Variants in TRIM38 observed in about 807,000 individuals in gnomAD.
TRIM38 encodes the protein tripartite motif containing 38, also known as E3 ubiquitin-protein ligase TRIM38.
TRIM38 carries 35 observed loss-of-function variants against 35.8 expected under a neutral mutation model. That is an observed-to-expected ratio of 0.98 (90% confidence interval 0.75 to 1.30). TRIM38 has a LOEUF of 1.30. Ranked by LOEUF, TRIM38 falls within the 50% of genes most tolerant of loss-of-function variation. The pLI is 0.00. For synonymous variants in TRIM38, 198 were observed against 204.7 expected, an observed-to-expected ratio of 0.97 and a Z score of 0.28; for missense variants, 545 against 556.9, an observed-to-expected ratio of 0.98 and a Z score of 0.21.
At position 25,983,395 on chromosome 6, in the gene TRIM38, A is replaced by G. The variant is rs775442895; in HGVS notation, c.1106A>G (p.Gln369Arg). The G allele has an allele frequency of 1.4e-5, 23 of 1,614,016 alleles. No individual in the cohort carries two copies. The highest frequency in any genetic ancestry group is 1.9e-5 in the Non-Finnish European group (22 of 1,180,028). The change falls in exon 8 of 8, where the codon CAG becomes CGG. Residue 369 changes from glutamine (Q) to arginine (R), a missense_variant. Transcript: ENST00000357085. Reference protein sequence around the residue: ...WDLGVCMENVQRGTGMKQEPQ... With the variant: ...WDLGVCMENVRRGTGMKQEPQ... ...TTAGGAGTTTGTATGGAAAATGTGCAGAGGGGCACTGGCATGAAGCAAGAG... is the reference window on the plus strand; with the variant it reads ...TTAGGAGTTTGTATGGAAAATGTGCGGAGGGGCACTGGCATGAAGCAAGAG...
intron 4 of TRIM38, among the ~76,000 whole-genome samples, 153 bp from the exon 5 acceptor site, chr6:25,971,716 A>G (rs903354689): frequency 6.6e-6 from 1 of 152,174 alleles, no homozygotes; most frequent in Non-Finnish European, 1.5e-5. Flanking sequence ...GTCTTACAAT[A>G]TTTGCCCTTT....
At position 25,989,510 on chromosome 6, in the gene TRIM38, CTTTTTTTTTTT is replaced by C. The variant is rs59539108; in HGVS notation, c.*5837_*5847del. 2.1e-5 allele frequency: 2 copies of C among 93,738 alleles called. No homozygotes were observed. Among genetic ancestry groups the C allele is most frequent in the East Asian group, 2.6e-4 (1 of 3,828 alleles). 5.8% of individuals were successfully genotyped at this position (93,738 alleles called of 1,614,324 possible). ...GCTATTGTTAGCAAGGTCTTGTATT[CTTTTTTTTTTT>C]TTTTTTTTTTTTTAATAGAGACGGG... is the stretch of plus-strand genomic sequence containing the variant. On this transcript the variant is annotated 3_prime_UTR_variant, in exon 8 of 8. Coordinates refer to ENST00000357085, the MANE Select transcript of TRIM38 (RefSeq NM_006355.5).
At chr6:25,975,507 A>G in intron 7 of TRIM38, 1 of 714,678 alleles carries the variant, frequency 1.4e-6, no homozygotes, top group African/African-American at 1.9e-5. Context: ...CAGCTTTATT[A>G]CAAAAGTGAT....
intron 3 of TRIM38, among the ~76,000 whole-genome samples, chr6:25,967,839 T>C (rs1453082143): frequency 6.6e-6 from 1 of 152,048 alleles, no homozygotes; most frequent in Admixed American, 6.6e-5. Context: ...TACTGTGGCA[T>C]GTCTATGATA....
chr6:25,977,069 C>T (rs956996690), intron 7 of TRIM38, among the ~76,000 whole-genome samples: 15 of 152,240 alleles, frequency 9.9e-5, no homozygotes, highest in African/African-American at 3.6e-4. Flanking sequence ...CTTATTATAG[C>T]TGATATCTTC....
At chr6:25,969,832 G>A (rs1760173525) in intron 4 of TRIM38, among the ~76,000 whole-genome samples, 1 of 152,146 alleles carries the variant, frequency 6.6e-6, no homozygotes, top group Non-Finnish European at 1.5e-5. Context: ...ACCAAGCTTT[G>A]TGAACACTTA....
Position 25,966,645 on chromosome 6 carries a change from AG to A in TRIM38, c.124del (p.Asp42ThrfsTer11). On this transcript the variant is annotated frameshift_variant, in exon 3 of 8. Transcript: ENST00000357085. LOFTEE classifies it high-confidence loss of function. Reference sequence around the variant, plus strand: ...ACAGCTACTGCCACTTGTGTATAACAGACTTCTTTAAAAACCCAAGCCAAAA... The same window carrying A: ...ACAGCTACTGCCACTTGTGTATAACAACTTCTTTAAAAACCCAAGCCAAAA... ...GHSYCHLCIT[D>X]FFKNPSQKQL... 1 of 1,614,192 alleles carries A rather than the reference AG, an allele frequency of 6.2e-7. No individual in the cohort carries two copies. Among genetic ancestry groups the A allele is most frequent in the South Asian group, 1.1e-5 (1 of 91,078 alleles).
At chr6:25,964,802 G>A (rs1759966025) in intron 2 of TRIM38, among the ~76,000 whole-genome samples, 1 of 141,088 alleles carries the variant, frequency 7.1e-6, no homozygotes, top group South Asian at 2.2e-4. Flanking sequence ...GAGTAATTCT[G>A]GTACCAATTA....
intron 7 of TRIM38, 104 bp from the exon 8 acceptor site, chr6:25,983,060 G>A: frequency 1.7e-6 from 2 of 1,192,832 alleles, no homozygotes; most frequent in Non-Finnish European, 2.3e-6. Flanking sequence ...GTGCACTCCA[G>A]CCTGGGTGAC....
chr6:25,989,159 C>A lies in TRIM38; in HGVS notation c.*5472C>A, dbSNP rs1259984838. 1 of 152,200 alleles carries A rather than the reference C, an allele frequency of 6.6e-6. No individual in the cohort carries two copies. The highest frequency in any genetic ancestry group is 2.4e-5 in the African/African-American group (1 of 41,460). 9.4% of individuals were successfully genotyped at this position (152,200 alleles called of 1,614,324 possible). On this transcript the variant is annotated 3_prime_UTR_variant, in exon 8 of 8. Coordinates refer to ENST00000357085, the MANE Select transcript of TRIM38 (RefSeq NM_006355.5). ...AGTTCCCTAATGACATGATGTCAAG[C>A]ATCTTTTCATATGCATACTTGCATC...
rs1372899638 is a variant in TRIM38 at position 25,984,311 on chromosome 6, T to G, written c.*624T>G. On this transcript the variant is annotated 3_prime_UTR_variant, in exon 8 of 8. Coordinates refer to ENST00000357085, the MANE Select transcript of TRIM38 (RefSeq NM_006355.5). ...AGTAAAATTGAACTTTGATGGGGGA[T>G]TCAGTTCTGGAAAAGAATTTGGTAT... 1 of 152,338 alleles carries G rather than the reference T, an allele frequency of 6.6e-6. No individual in the cohort carries two copies. Among genetic ancestry groups the G allele is most frequent in the Non-Finnish European group, 1.5e-5 (1 of 68,044 alleles). The allele number at this position is 152,338 out of a possible 1,614,324, so 9.4% of individuals were successfully genotyped here.
At chr6:25,983,070 C>A in intron 7 of TRIM38, 94 bp from the exon 8 acceptor site, 1 of 1,289,836 alleles carries the variant, frequency 7.8e-7, no homozygotes, top group Non-Finnish European at 1.0e-6. Flanking sequence ...GCCTGGGTGA[C>A]AGCAACACTC....
chr6:25,964,521 G>C (rs1252823052), intron 2 of TRIM38, among the ~76,000 whole-genome samples: 1 of 152,130 alleles, frequency 6.6e-6, no homozygotes, highest in Non-Finnish European at 1.5e-5. Context: ...TGTCTGATTA[G>C]GTCTGGTTAC....
intron 7 of TRIM38, among the ~76,000 whole-genome samples, chr6:25,976,153 G>C (rs1760386600): frequency 6.6e-6 from 1 of 152,222 alleles, no homozygotes; most frequent in Non-Finnish European, 1.5e-5. Context: ...ATATGACACA[G>C]AGAGGTTAGG....
intron 7 of TRIM38, among the ~76,000 whole-genome samples, chr6:25,978,375 G>C (rs1171948472): frequency 1.3e-5 from 2 of 151,888 alleles, no homozygotes; most frequent in African/African-American, 4.8e-5. Context: ...AATATGGATA[G>C]AGGATACTAT....
chr6:25,983,317 C>G lies in TRIM38; in HGVS notation c.1028C>G (p.Thr343Ser). 1 of 1,614,126 alleles carries G rather than the reference C, an allele frequency of 6.2e-7. No homozygotes were observed. The highest frequency in any genetic ancestry group is 8.5e-7 in the Non-Finnish European group (1 of 1,180,026). The part of the protein sequence containing the change: ...FPCVLGCEGF[T>S]SGRRYFEVDV... ...TGTGTCTTGGGTTGTGAAGGCTTCA[C>G]CTCAGGAAGACGTTACTTTGAAGTG... Residue 343 changes from threonine (T) to serine (S), a missense_variant, in exon 8 of 8, where the codon ACC becomes AGC. Physicochemically the swap from Thr to Ser is moderately conservative, Grantham distance 58 (BLOSUM62 1). Transcript: ENST00000357085.
At chr6:25,971,535 C>G (rs1246285128) in intron 4 of TRIM38, among the ~76,000 whole-genome samples, 1 of 152,194 alleles carries the variant, frequency 6.6e-6, no homozygotes, top group African/African-American at 2.4e-5. Context: ...GCAACCATCA[C>G]CATTCCCATC....
chr6:25,972,153 G>T, intron 5 of TRIM38, 54 bp downstream of exon 5: 2 of 1,480,498 alleles, frequency 1.4e-6, no homozygotes, highest in Non-Finnish European at 1.9e-6. Context: ...TGCTATTAAA[G>T]GAGAATGGTA....
chr6:25,966,736 C>A lies in TRIM38; in HGVS notation c.214C>A (p.Arg72=). The A allele has an allele frequency of 6.2e-7, 1 of 1,614,122 alleles. No individual in the cohort carries two copies. The highest frequency in any genetic ancestry group is 1.1e-5 in the South Asian group (1 of 91,082). Residue 72 remains arginine (R), a synonymous_variant, in exon 3 of 8, where the codon CGA becomes AGA. Transcript: ENST00000357085. ...GGCTCCATTTCATATGGATAGCCTC[C>A]GACCCAACAAGCAGCTGGGAAGCCT... is the stretch of plus-strand genomic sequence containing the variant. ...CRAPFHMDSL[R]PNKQLGSLIE...
Sources: gnomAD v4.1 joint callset for allele counts (sites outside exome capture counted in the v4.1 genomes callset) on GRCh38, gnomAD v4.1.1 for gene constraint, MANE v1.5 for transcripts, NCBI Gene and HGNC (gene_info 2026-07-23, HGNC 2026-07-21) for gene names.